The following KLK12 variants were observed in gnomAD, a reference collection of about 807,000 sequenced individuals.
The protein encoded by KLK12 is kallikrein-12.
KLK12 carries 23 observed loss-of-function variants against 20.0 expected under a neutral mutation model. The ratio of observed to expected loss-of-function variants is 1.15; its 90% CI spans 0.83 to 1.63. KLK12 has a LOEUF of 1.63. Among genes scored for constraint, KLK12 ranks in the 40% most tolerant of loss-of-function variants. The probability of loss-of-function intolerance (pLI) is 0.00; values close to 1 mark genes in which losing one functional copy is unlikely to be tolerated. For missense variants in KLK12, 351 were observed against 338.6 expected (o/e 1.04, Z -0.29); for synonymous variants, 147 against 141.9 (o/e 1.04, Z -0.25).
chr19:51,034,091 C>G lies in KLK12; in HGVS notation c.86G>C (p.Gly29Ala). The part of the protein sequence containing the change: ...TPKIFNGTEC[G>A]RNSQPWQVGL... ...CACCTGCCACGGCTGTGAGTTACGCCCACACTCAGTGCCATTGAAAATCTT... is the reference window on the plus strand; with the variant it reads ...CACCTGCCACGGCTGTGAGTTACGCGCACACTCAGTGCCATTGAAAATCTT... The change falls in exon 3 of 6, where the codon GGG (glycine) becomes GCG (alanine). Residue 29 changes from glycine to alanine, a missense_variant. Coordinates refer to ENST00000684732, the MANE Select transcript of KLK12 (RefSeq NM_001370125.1). The G allele has an allele frequency of 1.3e-6, 2 of 1,565,188 alleles. No homozygotes were observed. Among genetic ancestry groups the G allele is most frequent in the Non-Finnish European group, 1.7e-6 (2 of 1,154,170 alleles).
At position 51,034,238 on chromosome 19, in the gene KLK12, GGAGAAAGAGAGAC is replaced by G. The variant is rs1490930405; in HGVS notation, c.38-112_38-100del. The stretch of plus-strand genomic sequence containing the variant: ...GAGAGAAACAGGCAGGAGAGAGAGA[GGAGAAAGAGAGAC>G]GAGAAAGAGAGAGAAAGAGAGAGAG... On this transcript the variant is annotated intron_variant, in intron 2 of 5. Transcript: ENST00000684732. The G allele has an allele frequency of 1.8e-5, 24 of 1,371,368 alleles. No individual in the cohort carries two copies. The East Asian group carries it at 4.5e-4, about 26-fold the overall frequency. The allele number at this position is 1,371,368 out of a possible 1,614,324, so 84.9% of individuals were successfully genotyped here. A position where few individuals can be genotyped will look rare whatever the true frequency, so the allele number is the denominator to read the frequency against.
chr19:51,030,900 T>G lies in KLK12; in HGVS notation c.479A>C (p.Gln160Pro). 1 of 1,614,028 alleles carries G rather than the reference T, an allele frequency of 6.2e-7. No individual in the cohort carries two copies. The highest frequency in any genetic ancestry group is 8.5e-7 in the Non-Finnish European group (1 of 1,180,016). The change falls in exon 5 of 6, where the codon CAG becomes CCG. Residue 160 changes from glutamine to proline, a missense_variant. By Grantham distance (76) the Gln-to-Pro change is moderately conservative (BLOSUM62 -1). Transcript: ENST00000684732. ...GGAGACGATGGAGAGGTTGAGGCAC[T>G]GGAGCAGATCCGGGAATGGGTCTGG... ...HPRNPFPDLL[Q>P]CLNLSIVSHA... is the part of the protein sequence containing the mutation.
At chr19:51,029,548 G>A (rs537717297) in intron 5 of KLK12, 91 bp from the exon 6 acceptor site, 5 of 1,075,474 alleles carry the variant, frequency 4.6e-6, no homozygotes, top group South Asian at 2.5e-5. Context: ...GGGCCTTGGG[G>A]AGGGCTCCAA....
chr19:51,031,877 C>T lies in KLK12; in HGVS notation c.456G>A (p.Arg152=), dbSNP rs1227668128. ...GACCCCTGGCCCTGGGCCCCTTACT[C>T]CGTGGGTGGTTGGTGATGCCCCAGC... The part of the protein sequence containing the change: ...VSGWGITNHP[R]NPFPDLLQCL... Residue 152 remains arginine (R), a splice_region_variant and synonymous_variant, in exon 4 of 6, where the codon CGG becomes CGA. Coordinates refer to ENST00000684732, the MANE Select transcript of KLK12 (RefSeq NM_001370125.1). 1 of 1,613,602 alleles carries T rather than the reference C, an allele frequency of 6.2e-7. No homozygotes were observed. The highest frequency in any genetic ancestry group is 8.5e-7 in the Non-Finnish European group (1 of 1,179,924).
chr19:51,031,596 A>ATACATATATATATATG, intron 4 of KLK12, among the ~76,000 whole-genome samples: 1 of 54,166 alleles, frequency 1.8e-5, no homozygotes, highest in East Asian at 7.7e-4. Context: ...CTATACATAC[A>ATACATATATATATATG]TATATATATA....
chr19:51,032,405 A>C, intron 3 of KLK12, among the ~76,000 whole-genome samples: 2 of 101,972 alleles, frequency 2.0e-5, no homozygotes, highest in Admixed American at 1.1e-4. Context: ...TTTTTTTTTC[A>C]AGACCGAGTC....
rs201679836 is a variant in KLK12 at position 51,030,807 on chromosome 19, G to A, written c.572C>T (p.Pro191Leu). The change falls in exon 5 of 6, where the codon CCG (proline) becomes CTG (leucine). Residue 191 changes from proline (P) to leucine (L), a missense_variant. Physicochemically the swap from Pro to Leu is moderately conservative, Grantham distance 98 (BLOSUM62 -3). Coordinates refer to ENST00000684732, the MANE Select transcript of KLK12 (RefSeq NM_001370125.1). ...GCTCACCTGGCAGGCATCCTGCCCCGGGACGCCGCCTGCACACACCATGTT... is the reference window on the plus strand; with the variant it reads ...GCTCACCTGGCAGGCATCCTGCCCCAGGACGCCGCCTGCACACACCATGTT... ...TSNMVCAGGVPGQDACQGDSG... is the reference protein window; with the variant it reads ...TSNMVCAGGVLGQDACQGDSG... 6.2e-6 allele frequency: 10 copies of A among 1,613,848 alleles called. No individual in the cohort carries two copies. Among genetic ancestry groups the A allele is most frequent in the East Asian group, 2.2e-5 (1 of 44,878 alleles).
chr19:51,032,538 C>A (rs1186367190), intron 3 of KLK12, among the ~76,000 whole-genome samples: 1 of 152,026 alleles, frequency 6.6e-6, no homozygotes, highest in East Asian at 1.9e-4. Flanking sequence ...AGAAGCATGC[C>A]ACCATGCCCA....
chr19:51,029,189 G>C lies in KLK12; in HGVS notation c.*113C>G. ...CTGGCAGGAGTTAAAGTTCCAAGAA[G>C]TTCCCAGGCCAACAAGAGTGGAGCT... On this transcript the variant is annotated 3_prime_UTR_variant, in exon 6 of 6. Transcript: ENST00000684732. 3 of 1,614,100 alleles carry C rather than the reference G, an allele frequency of 1.9e-6. No individual in the cohort carries two copies. Among genetic ancestry groups the C allele is most frequent in the Non-Finnish European group, 2.5e-6 (3 of 1,180,028 alleles).
chr19:51,032,775 C>T (rs567396985), intron 3 of KLK12, among the ~76,000 whole-genome samples: 7 of 152,270 alleles, frequency 4.6e-5, no homozygotes, highest in South Asian at 2.1e-4. Flanking sequence ...CCGCCTGGCA[C>T]GGAGCATGTG....
In KLK12 at chr19:51,034,005, G is replaced by T; in HGVS notation, c.172C>A (p.Leu58Ile). 1 of 1,611,552 alleles carries T rather than the reference G, an allele frequency of 6.2e-7. No homozygotes were observed. The highest frequency in any genetic ancestry group is 8.5e-7 in the Non-Finnish European group (1 of 1,179,220). ...GGVLIDHRWV[L>I]TAAHCSGSRY... ...CTGCCGCTGCAGTGAGCCGCTGTGA[G>T]GACCCACCTGTGGTCAATAAGGACA... Residue 58 changes from leucine (L) to isoleucine (I), a missense_variant, in exon 3 of 6, where the codon CTC (leucine) becomes ATC (isoleucine). Transcript: ENST00000684732.
chr19:51,033,887 T>C, intron 3 of KLK12, 93 bp downstream of exon 3: 1 of 1,251,424 alleles, frequency 8.0e-7, no homozygotes, highest in East Asian at 2.5e-5. Flanking sequence ...AGGATCAGCT[T>C]CTTCCCAGTG....
At chr19:51,032,824 G>C (rs926418779) in intron 3 of KLK12, among the ~76,000 whole-genome samples, 1 of 152,116 alleles carries the variant, frequency 6.6e-6, no homozygotes, top group East Asian at 1.9e-4. Context: ...GTTCATGATT[G>C]AACGAGTGGG....
In KLK12 at chr19:51,034,193, G is replaced by A. The variant is rs2091589228; in HGVS notation, c.38-54C>T. 13 of 1,524,630 alleles carry A rather than the reference G, an allele frequency of 8.5e-6. No homozygotes were observed. The East Asian group carries it at 3.2e-4, about 37-fold the overall frequency. 94.4% of individuals were successfully genotyped at this position (1,524,630 alleles called of 1,614,324 possible). ...GAGAGGAAGAAAAGATACAGAGATG[G>A]AGAGACACACAGAGTGAGAGAGAGA... On this transcript the variant is annotated intron_variant, in intron 2 of 5. Coordinates refer to ENST00000684732, the MANE Select transcript of KLK12 (RefSeq NM_001370125.1).
Position 51,034,911 on chromosome 19 carries a change from G to C in KLK12, c.-125C>G. The C allele has an allele frequency of 7.6e-7, 1 of 1,313,784 alleles. No homozygotes were observed. The highest frequency in any genetic ancestry group is 3.4e-5 in the East Asian group (1 of 29,564). The allele number at this position is 1,313,784 out of a possible 1,614,324, so 81.4% of individuals were successfully genotyped here. A position where few individuals can be genotyped will look rare whatever the true frequency, so the allele number is the denominator to read the frequency against. On this transcript the variant is annotated 5_prime_UTR_variant, in exon 1 of 6. Transcript: ENST00000684732. Reference sequence around the variant, plus strand: ...TACCTGCCTGTCTTCTCATGTGCTGGCCACTCCGCCAGCCAACTCTACCAC... The same window carrying C: ...TACCTGCCTGTCTTCTCATGTGCTGCCCACTCCGCCAGCCAACTCTACCAC...
chr19:51,033,059 T>A (rs1039594777), intron 3 of KLK12, among the ~76,000 whole-genome samples: 5 of 144,820 alleles, frequency 3.5e-5, no homozygotes, highest in African/African-American at 1.0e-4. Flanking sequence ...ACAAAAAAAA[T>A]TTAAAAATTA....
Position 51,030,593 on chromosome 19 carries a change from G to T in KLK12, c.591+195C>A, listed in dbSNP as rs143693791. ...TTGAACTCCTGACCTCAAGTGATCC[G>T]CCCGCCTCGGCCTCCCAAAGTGCTG... On this transcript the variant is annotated intron_variant, in intron 5 of 5. Coordinates refer to ENST00000684732, the MANE Select transcript of KLK12 (RefSeq NM_001370125.1). Among the ~76,000 whole-genome samples, 66 of 151,862 alleles carry T rather than the reference G, an allele frequency of 4.3e-4. No homozygotes were observed. In the East Asian group the frequency reaches 0.011, roughly 25 times the overall value.
At chr19:51,033,931 G>T in intron 3 of KLK12, 49 bp downstream of exon 3, 2 of 1,570,912 alleles carry the variant, frequency 1.3e-6, no homozygotes, top group Non-Finnish European at 1.7e-6. Flanking sequence ...TACCCCCAGC[G>T]CTTGCCTTCC....
chr19:51,030,792 C>G lies in KLK12; in HGVS notation c.587G>C (p.Cys196Ser). ...ACGCTGCCTGCACTGGCTCACCTGGCAGGCATCCTGCCCCGGGACGCCGCC... is the reference window on the plus strand; with the variant it reads ...ACGCTGCCTGCACTGGCTCACCTGGGAGGCATCCTGCCCCGGGACGCCGCC... ...CAGGVPGQDA[C>S]QGDSGGPLVC... The change falls in exon 5 of 6, where the codon TGC becomes TCC. Residue 196 changes from cysteine (C) to serine (S), a missense_variant. Physicochemically the swap from Cys to Ser is moderately radical, Grantham distance 112. Coordinates refer to ENST00000684732, the MANE Select transcript of KLK12 (RefSeq NM_001370125.1). 1 of 1,613,666 alleles carries G rather than the reference C, an allele frequency of 6.2e-7. No individual in the cohort carries two copies. The highest frequency in any genetic ancestry group is 8.5e-7 in the Non-Finnish European group (1 of 1,180,028).
Sources: allele counts gnomAD v4.1 joint callset (sites outside exome capture counted in the v4.1 genomes callset), GRCh38; gene constraint gnomAD v4.1.1; transcripts MANE v1.5; gene names NCBI Gene and HGNC (gene_info 2026-07-23, HGNC 2026-07-21).